Variants in EPHA10 observed in about 807,000 individuals in gnomAD.
The protein encoded by EPHA10 is EPH receptor A10.
Under a neutral mutation model 109.7 loss-of-function variants are expected in EPHA10, and 120 were observed. The ratio of observed to expected loss-of-function variants is 1.09; its 90% CI spans 0.94 to 1.27. EPHA10 has a LOEUF of 1.27. EPHA10 is among the 50% of genes most tolerant of loss of function. EPHA10 has a pLI of 0.00. For synonymous variants in EPHA10, 640 were observed against 618.9 expected (o/e 1.03, Z -0.51); for missense variants, 1,396 against 1,411.1 (o/e 0.99, Z 0.17).
At chr1:37,735,208 C>A (rs923834836) in intron 6 of EPHA10, 49 bp downstream of exon 6, 29 of 1,553,474 alleles carry the variant, frequency 1.9e-5, no homozygotes, top group South Asian at 2.4e-5. Context: ...AGAAGCCCTG[C>A]GGGACAGGTG....
At chr1:37,733,234 T>A (rs1460790073) in intron 6 of EPHA10, among the ~76,000 whole-genome samples, 1 of 151,818 alleles carries the variant, frequency 6.6e-6, no homozygotes, top group Non-Finnish European at 1.5e-5. Flanking sequence ...TTTGGTGGGT[T>A]TTTTTGAGAC....
intron 8 of EPHA10, among the ~76,000 whole-genome samples, chr1:37,724,848 T>G (rs924511379): frequency 6.6e-6 from 1 of 152,144 alleles, no homozygotes; most frequent in African/African-American, 2.4e-5. Flanking sequence ...GTGGCTCCAT[T>G]TTCTCTTTAA....
Position 37,731,377 on chromosome 1 carries a change from T to G in EPHA10, c.1663+34A>C, listed in dbSNP as rs762183447. The G allele has an allele frequency of 1.3e-5, 20 of 1,553,148 alleles. No homozygotes were observed. In the South Asian group the frequency reaches 2.2e-4, roughly 17 times the overall value. On this transcript the variant is annotated intron_variant, in intron 7 of 16. Transcript: ENST00000373048. ...TCAGCCCCGTGCAGGGTTCTCTCTG[T>G]CTAGGTCCCTGTCCACTCACACACA... is the stretch of plus-strand genomic sequence containing the variant.
chr1:37,732,935 G>A (rs1646011640), intron 6 of EPHA10, among the ~76,000 whole-genome samples: 1 of 116,798 alleles, frequency 8.6e-6, no homozygotes, highest in Non-Finnish European at 1.6e-5. Flanking sequence ...TGTCACCTAG[G>A]CTGGAATGCA....
At chr1:37,721,486 C>G (rs56219047) in intron 11 of EPHA10, among the ~76,000 whole-genome samples, 174 bp downstream of exon 11, 360 of 152,088 alleles carry the variant, frequency 2.4e-3, no homozygotes, top group Admixed American at 5.5e-3. Flanking sequence ...CCAGAGTGGC[C>G]GCTCCAGGAG....
At chr1:37,734,095 T>A (rs1048877546) in intron 6 of EPHA10, among the ~76,000 whole-genome samples, 1 of 152,180 alleles carries the variant, frequency 6.6e-6, no homozygotes, top group Non-Finnish European at 1.5e-5. Flanking sequence ...ATTCAAAAAC[T>A]ATTTTCAGCA....
chr1:37,746,914 G>A (rs1158462572), intron 5 of EPHA10, among the ~76,000 whole-genome samples: 1 of 152,194 alleles, frequency 6.6e-6, no homozygotes, highest in Non-Finnish European at 1.5e-5. Flanking sequence ...CCAAGAAGAG[G>A]CAAATCCATA....
intron 6 of EPHA10, 121 bp downstream of exon 6, chr1:37,735,136 G>GGGGCCCCTA: frequency 7.6e-7 from 1 of 1,317,578 alleles, no homozygotes; most frequent in Non-Finnish European, 1.1e-6. Context: ...CCTAGGAGAC[G>GGGGCCCCTA]GGTGGTTATG....
intron 6 of EPHA10, among the ~76,000 whole-genome samples, chr1:37,733,609 C>CA (rs1490618567): frequency 6.6e-6 from 1 of 152,168 alleles, no homozygotes; most frequent in African/African-American, 2.4e-5. Context: ...CCCTGATCCT[C>CA]AAAGTCCATT....
rs1358266994 is a variant in EPHA10 at position 37,741,450 on chromosome 1, T to A, written c.1358-6060A>T. Among the ~76,000 whole-genome samples, 3 of 152,136 alleles carry A rather than the reference T, an allele frequency of 2.0e-5. 1 individual carries two copies. Among genetic ancestry groups the A allele is most frequent in the Non-Finnish European group, 4.4e-5 (3 of 68,034 alleles). ...ACAAGTGCGTGGATGTGGCTTCTAG[T>A]CTTAAATGGTATATATATCTAGCAG... On this transcript the variant is annotated intron_variant, in intron 5 of 16. Transcript: ENST00000373048.
chr1:37,719,397 C>A lies in EPHA10; in HGVS notation c.2756+17G>T. ...CACGGACAGGTGAGAGGCTGGCTGTCCCATGTGGGAACGTACCTGGGACAG... is the reference window on the plus strand; with the variant it reads ...CACGGACAGGTGAGAGGCTGGCTGTACCATGTGGGAACGTACCTGGGACAG... On this transcript the variant is annotated intron_variant, in intron 15 of 16. Transcript: ENST00000373048. 6.2e-7 allele frequency: 1 copy of A among 1,605,250 alleles called. No homozygotes were observed. The highest frequency in any genetic ancestry group is 1.1e-5 in the South Asian group (1 of 89,852).
chr1:37,722,901 G>T, intron 10 of EPHA10, 140 bp downstream of exon 10: 1 of 1,296,898 alleles, frequency 7.7e-7, no homozygotes, highest in Admixed American at 1.8e-5. Flanking sequence ...GGCTTGGTGT[G>T]GAGGCAGGGC....
chr1:37,744,677 A>C (rs1352573044), intron 5 of EPHA10, among the ~76,000 whole-genome samples: 1 of 152,132 alleles, frequency 6.6e-6, no homozygotes, highest in Admixed American at 6.5e-5. Context: ...AAAAAAAAGA[A>C]ACTAAAAGCT....
rs202194289 is a variant in EPHA10, at chr1:37,718,443, C to T, written c.2956G>A (p.Ala986Thr). 722 of 1,613,446 alleles carry T rather than the reference C, an allele frequency of 4.5e-4. No individual in the cohort carries two copies. The highest frequency in any genetic ancestry group is 5.5e-4 in the Non-Finnish European group (653 of 1,180,008). Residue 986 changes from alanine to threonine, a missense_variant, in exon 17 of 17, where the codon GCC becomes ACC. Ala to Thr is a moderately conservative substitution (Grantham distance 58). Coordinates refer to ENST00000373048, the MANE Select transcript of EPHA10 (RefSeq NM_001099439.2). Reference protein sequence around the residue: ...LGISLAEHREALLSGISALQA... With the variant: ...LGISLAEHRETLLSGISALQA... ...AGGGCGCTGATCCCGCTGAGGAGGG[C>T]CTCTCGATGTTCAGCCAAAGAGATG...
Position 37,720,073 on chromosome 1 carries a change from AGGTC to A in EPHA10, c.2413-19_2413-16del. ...CTCCGGCCACTCTGTAGGGGCAGGC[AGGTC>A]AGGGGCAAGGAGGAACTGGGTGACA... On this transcript the variant is annotated splice_polypyrimidine_tract_variant and intron_variant, in intron 13 of 16. Coordinates refer to ENST00000373048, the MANE Select transcript of EPHA10 (RefSeq NM_001099439.2). 1 of 1,612,888 alleles carries A rather than the reference AGGTC, an allele frequency of 6.2e-7. No individual in the cohort carries two copies. The highest frequency in any genetic ancestry group is 8.5e-7 in the Non-Finnish European group (1 of 1,179,826).
In EPHA10 at chr1:37,752,895, G is replaced by C; in HGVS notation, c.1338C>G (p.Thr446=). 3 of 1,303,926 alleles carry C rather than the reference G, an allele frequency of 2.3e-6. No individual in the cohort carries two copies. Among genetic ancestry groups the C allele is most frequent in the Non-Finnish European group, 2.9e-6 (3 of 1,029,908 alleles). The allele number at this position is 1,303,926 out of a possible 1,614,324, so 80.8% of individuals were successfully genotyped here. A position where few individuals can be genotyped will look rare whatever the true frequency, so the allele number is the denominator to read the frequency against. ...CCTTACCCCCGGGCCCGGTGGAGAC[G>C]GTGACCTGCGCGTAGGTGGTTCCCG... ...AAAGTTYAQV[T]VSTGPGAPWE... Residue 446 remains threonine, a synonymous_variant, in exon 5 of 17, where the codon ACC becomes ACG. Transcript: ENST00000373048.
At chr1:37,749,809 G>C (rs1015041699) in intron 5 of EPHA10, among the ~76,000 whole-genome samples, 1 of 152,148 alleles carries the variant, frequency 6.6e-6, no homozygotes, top group African/African-American at 2.4e-5. Flanking sequence ...ACAAACATCA[G>C]AGTGTACTTA....
rs1006237449 is a variant in EPHA10, at chr1:37,723,436, C to G, written c.1773-64G>C. On this transcript the variant is annotated intron_variant, in intron 8 of 16. Coordinates refer to ENST00000373048, the MANE Select transcript of EPHA10 (RefSeq NM_001099439.2). ...CCCCGGCCCTTCCCATTACAGAGCA[C>G]TGAGGGCAGCACCTCTTTGTCCCTT... The G allele has an allele frequency of 3.2e-6, 5 of 1,562,602 alleles. No individual in the cohort carries two copies. The Admixed American group carries it at 8.8e-5, about 27-fold the overall frequency.
intron 7 of EPHA10, among the ~76,000 whole-genome samples, chr1:37,729,623 G>C (rs1645948473): frequency 6.6e-6 from 1 of 151,970 alleles, no homozygotes; most frequent in Non-Finnish European, 1.5e-5. Flanking sequence ...GCTCAAACCT[G>C]TGATCCCAGC....
Sources: allele counts gnomAD v4.1 joint callset (sites outside exome capture counted in the v4.1 genomes callset), GRCh38; gene constraint gnomAD v4.1.1; transcripts MANE v1.5; gene names NCBI Gene and HGNC (gene_info 2026-07-23, HGNC 2026-07-21).